Variants in GALNTL6 observed in about 807,000 individuals in gnomAD.
The protein encoded by GALNTL6 is polypeptide N-acetylgalactosaminyltransferase-like 6.
GALNTL6 carries 46 observed loss-of-function variants against 73.7 expected under a neutral mutation model. The observed-to-expected ratio is 0.62, with a 90% CI of 0.49 to 0.80. The LOEUF (loss-of-function observed/expected upper bound fraction) is 0.80. GALNTL6 is among the 30% of genes least tolerant of loss of function. GALNTL6 has a pLI of 0.00. For synonymous variants in GALNTL6, 259 were observed against 263.7 expected (o/e 0.98, Z 0.17); for missense variants, 604 against 755.0 (o/e 0.80, Z 2.34).
chr4:173,028,898 G>T (rs1220567449), intron 12 of GALNTL6, among the ~76,000 whole-genome samples: 1 of 152,182 alleles, frequency 6.6e-6, no homozygotes, highest in East Asian at 1.9e-4. Context: ...CACCTGCCAG[G>T]CTAAATTGAT....
chr4:172,741,664 A>G (rs950836798), intron 5 of GALNTL6, among the ~76,000 whole-genome samples: 2 of 151,918 alleles, frequency 1.3e-5, no homozygotes, highest in Non-Finnish European at 2.9e-5. Flanking sequence ...TATATAGAAG[A>G]ATATATATAG....
chr4:172,907,241 A>C (rs1009031178), intron 8 of GALNTL6, among the ~76,000 whole-genome samples: 2 of 152,202 alleles, frequency 1.3e-5, no homozygotes, highest in Non-Finnish European at 1.5e-5. Flanking sequence ...AAAAGAAAGA[A>C]ATTCTTCAAA....
At position 172,069,573 on chromosome 4, in the gene GALNTL6, ATGT is replaced by A. The variant is rs1174118212; in HGVS notation, c.139-160081_139-160079del. On this transcript the variant is annotated intron_variant, in intron 2 of 12. Transcript: ENST00000506823. ...CATATATGTTATATATAACACATAT[ATGT>A]TATATATTATATATATAACACATAT... Among the ~76,000 whole-genome samples, 3 of 10,686 alleles carry A rather than the reference ATGT, an allele frequency of 2.8e-4. 1 individual carries two copies. The highest frequency in any genetic ancestry group is 7.6e-4 in the Non-Finnish European group (3 of 3,942). The allele number at this position is 10,686 out of a possible 152,430, so 7.0% of individuals were successfully genotyped here.
chr4:172,826,526 AG>A (rs1201546246), intron 7 of GALNTL6, among the ~76,000 whole-genome samples: 4 of 152,252 alleles, frequency 2.6e-5, no homozygotes, highest in Non-Finnish European at 5.9e-5. Context: ...CCATGGAAAA[AG>A]AATCAAATAA....
chr4:172,380,448 G>A (rs192008391), intron 5 of GALNTL6: 279 of 523,872 alleles, frequency 5.3e-4, no homozygotes, highest in African/African-American at 4.9e-3. Context: ...GCCAGCAAAA[G>A]CTGGGTTTCC....
chr4:172,414,112 T>C (rs1423493613), intron 5 of GALNTL6, among the ~76,000 whole-genome samples: 5 of 152,142 alleles, frequency 3.3e-5, no homozygotes, highest in Admixed American at 1.3e-4. Flanking sequence ...TTCTATTTTC[T>C]TACCTGATCA....
intron 5 of GALNTL6, among the ~76,000 whole-genome samples, chr4:172,695,764 G>A (rs1348325153): frequency 6.6e-6 from 1 of 152,118 alleles, no homozygotes; most frequent in Non-Finnish European, 1.5e-5. Context: ...TGGCTAACAT[G>A]GTGAAACCCT....
intron 5 of GALNTL6, among the ~76,000 whole-genome samples, chr4:172,719,692 A>C (rs1224048445): frequency 6.6e-6 from 1 of 152,176 alleles, no homozygotes; most frequent in Non-Finnish European, 1.5e-5. Context: ...TACCAGGAAG[A>C]GGTCTGGATC....
intron 4 of GALNTL6, among the ~76,000 whole-genome samples, chr4:172,323,378 C>T (rs1225152521): frequency 6.6e-6 from 1 of 152,066 alleles, no homozygotes; most frequent in African/African-American, 2.4e-5. Flanking sequence ...TGACTAAAAC[C>T]AGCCACTGAA....
chr4:172,975,698 C>A (rs1247129416), intron 10 of GALNTL6, among the ~76,000 whole-genome samples: 2 of 152,140 alleles, frequency 1.3e-5, no homozygotes, highest in Admixed American at 1.3e-4. Flanking sequence ...CATCCTCAGC[C>A]CCTTGCCTCA....
intron 10 of GALNTL6, among the ~76,000 whole-genome samples, chr4:173,004,584 C>T (rs1752191793): frequency 6.6e-6 from 1 of 152,158 alleles, no homozygotes; most frequent in Non-Finnish European, 1.5e-5. Flanking sequence ...CGAGATTGAG[C>T]CATTGCACTC....
intron 7 of GALNTL6, among the ~76,000 whole-genome samples, chr4:172,835,467 G>C (rs976415795): frequency 6.6e-6 from 1 of 152,232 alleles, no homozygotes; most frequent in Non-Finnish European, 1.5e-5. Flanking sequence ...GCTCCATGGG[G>C]AGTTCTTGTC....
intron 2 of GALNTL6, among the ~76,000 whole-genome samples, chr4:172,109,553 A>T (rs1434411984): frequency 1.3e-5 from 2 of 152,238 alleles, no homozygotes; most frequent in African/African-American, 4.8e-5. Flanking sequence ...CCAGTTGTAA[A>T]GTTGTGAATA....
At chr4:171,916,807 AG>A (rs1390307931) in intron 2 of GALNTL6, among the ~76,000 whole-genome samples, 4 of 152,022 alleles carry the variant, frequency 2.6e-5, no homozygotes, top group Non-Finnish European at 5.9e-5. Context: ...CTTGGTGTAA[AG>A]GCACTTTGTT....
intron 2 of GALNTL6, among the ~76,000 whole-genome samples, chr4:171,869,580 T>C (rs983249066): frequency 2.0e-5 from 3 of 152,202 alleles, no homozygotes; most frequent in African/African-American, 7.2e-5. Context: ...TTAACATACC[T>C]GCTATCTTGC....
At chr4:171,957,831 C>T (rs2111041976) in intron 2 of GALNTL6, among the ~76,000 whole-genome samples, 1 of 152,190 alleles carries the variant, frequency 6.6e-6, no homozygotes. Context: ...GTTCAGATGT[C>T]CTCGTGAGTA....
chr4:172,697,980 T>C (rs1383845104), intron 5 of GALNTL6, among the ~76,000 whole-genome samples: 1 of 152,170 alleles, frequency 6.6e-6, no homozygotes, highest in Non-Finnish European at 1.5e-5. Context: ...ACTCCTACAG[T>C]CTCATTTAGT....
At chr4:172,517,972 G>T (rs976152842) in intron 5 of GALNTL6, among the ~76,000 whole-genome samples, 1 of 151,982 alleles carries the variant, frequency 6.6e-6, no homozygotes, top group African/African-American at 2.4e-5. Flanking sequence ...CATAGTCATA[G>T]GTTCAATAGG....
At chr4:171,960,853 T>A (rs1372669020) in intron 2 of GALNTL6, among the ~76,000 whole-genome samples, 1 of 151,986 alleles carries the variant, frequency 6.6e-6, no homozygotes, top group Non-Finnish European at 1.5e-5. Flanking sequence ...GCTGGTGGTG[T>A]GAATCTAGTT....
Sources: allele counts gnomAD v4.1 joint callset (sites outside exome capture counted in the v4.1 genomes callset), GRCh38; gene constraint gnomAD v4.1.1; transcripts MANE v1.5; gene names NCBI Gene and HGNC (gene_info 2026-07-23, HGNC 2026-07-21).